Variants in CSMD2 observed in about 807,000 individuals in gnomAD.
The protein encoded by CSMD2 is CUB and sushi domain-containing protein 2.
Under a neutral mutation model 398.5 loss-of-function variants are expected in CSMD2, and 130 were observed. The ratio of observed to expected loss-of-function variants is 0.33; its 90% CI spans 0.28 to 0.38. The LOEUF is 0.38. CSMD2 is among the 10% of genes least tolerant of loss of function. The pLI, the probability that CSMD2 is intolerant of heterozygous loss-of-function variation, is 1.00. For missense variants in CSMD2, 3,829 were observed against 4,764.9 expected, an observed-to-expected ratio of 0.80 and a Z score of 5.78; for synonymous variants, 1,828 against 1,908.5, an observed-to-expected ratio of 0.96 and a Z score of 1.10.
intron 51 of CSMD2, among the ~76,000 whole-genome samples, chr1:33,570,866 G>A (rs1015875695): frequency 3.3e-5 from 5 of 152,132 alleles, no homozygotes; most frequent in Admixed American, 2.0e-4. Context: ...TGGGGGGTGA[G>A]CTAAGGCTTT....
chr1:33,880,090 G>A (rs1420676689), intron 5 of CSMD2, among the ~76,000 whole-genome samples: 1 of 152,144 alleles, frequency 6.6e-6, no homozygotes, highest in African/African-American at 2.4e-5. Context: ...CAGTGGATGA[G>A]CAAACACTGA....
intron 27 of CSMD2, among the ~76,000 whole-genome samples, chr1:33,655,732 G>A (rs1052300648): frequency 6.6e-6 from 1 of 152,228 alleles, no homozygotes; most frequent in Admixed American, 6.5e-5. Context: ...ATGGCAGAAC[G>A]CCCAGGGAGC....
chr1:33,675,594 C>T (rs562997773), intron 25 of CSMD2, among the ~76,000 whole-genome samples: 156 of 152,298 alleles, frequency 1.0e-3, no homozygotes, highest in Non-Finnish European at 1.7e-3. Context: ...GGGAATCCTC[C>T]CTAACTCATT....
At chr1:33,642,265 T>A (rs1643149405) in intron 29 of CSMD2, among the ~76,000 whole-genome samples, 1 of 151,194 alleles carries the variant, frequency 6.6e-6, no homozygotes. Context: ...GCGAATCACT[T>A]GAACCTGGGA....
intron 18 of CSMD2, 87 bp downstream of exon 18, chr1:33,724,429 G>A (rs1301520267): frequency 3.3e-6 from 5 of 1,536,010 alleles, no homozygotes; most frequent in African/African-American, 2.7e-5. Context: ...CTGATGGGGT[G>A]AGGGAGTCAG....
chr1:33,801,829 T>C (rs574267750), intron 10 of CSMD2, among the ~76,000 whole-genome samples: 1 of 152,228 alleles, frequency 6.6e-6, no homozygotes, highest in South Asian at 2.1e-4. Context: ...GGGCCAGGTG[T>C]GTCTGTGAAC....
intron 12 of CSMD2, among the ~76,000 whole-genome samples, chr1:33,776,309 G>A (rs1436728149): frequency 6.6e-6 from 1 of 152,214 alleles, no homozygotes; most frequent in Non-Finnish European, 1.5e-5. Context: ...TAGAGACCGT[G>A]AGGGATGTCC....
chr1:34,055,569 C>G (rs1361417973), intron 2 of CSMD2, among the ~76,000 whole-genome samples: 1 of 152,152 alleles, frequency 6.6e-6, no homozygotes, highest in Non-Finnish European at 1.5e-5. Context: ...GAAATACTTA[C>G]ATTTACTGGT....
intron 4 of CSMD2, among the ~76,000 whole-genome samples, chr1:33,919,213 T>C (rs980831515): frequency 6.6e-6 from 1 of 152,266 alleles, no homozygotes; most frequent in African/African-American, 2.4e-5. Flanking sequence ...CTAGGAGGTA[T>C]AAAATCCAGG....
At chr1:34,107,037 TTC>T (rs1369993071) in intron 1 of CSMD2, among the ~76,000 whole-genome samples, 1 of 152,134 alleles carries the variant, frequency 6.6e-6, no homozygotes, top group Admixed American at 6.5e-5. Context: ...GCTTTACTGA[TTC>T]TTATTATGCC....
intron 3 of CSMD2, among the ~76,000 whole-genome samples, chr1:33,970,339 CTCTT>C (rs1475653204): frequency 6.6e-6 from 1 of 152,138 alleles, no homozygotes; most frequent in Non-Finnish European, 1.5e-5. Context: ...AATCCCCTCC[CTCTT>C]TTTCTCCCTC....
At chr1:33,894,869 G>T (rs2125218841) in intron 5 of CSMD2, among the ~76,000 whole-genome samples, 1 of 152,246 alleles carries the variant, frequency 6.6e-6, no homozygotes, top group East Asian at 1.9e-4. Flanking sequence ...CCCATCTCCT[G>T]CAGGGCAAGT....
chr1:33,922,170 C>T (rs901037248), intron 4 of CSMD2, among the ~76,000 whole-genome samples: 1 of 152,098 alleles, frequency 6.6e-6, no homozygotes, highest in Non-Finnish European at 1.5e-5. Context: ...TACCTATGGG[C>T]CTGGGATCCC....
intron 51 of CSMD2, among the ~76,000 whole-genome samples, 191 bp from the exon 52 acceptor site, chr1:33,569,738 T>G (rs1271984749): frequency 6.6e-6 from 1 of 152,194 alleles, no homozygotes; most frequent in East Asian, 1.9e-4. Flanking sequence ...CAGAAGCCCC[T>G]GAAGGTTATT....
At chr1:33,904,620 A>G (rs987297240) in intron 5 of CSMD2, among the ~76,000 whole-genome samples, 1 of 151,974 alleles carries the variant, frequency 6.6e-6, no homozygotes, top group African/African-American at 2.4e-5. Context: ...TAATGCTACT[A>G]AGTTGTACAC....
At chr1:33,606,266 G>A (rs899751165) in intron 41 of CSMD2, among the ~76,000 whole-genome samples, 2 of 152,236 alleles carry the variant, frequency 1.3e-5, no homozygotes, top group Admixed American at 1.3e-4. Context: ...AATTGGCAGC[G>A]GGAGGAGACA....
At chr1:34,155,603 A>AG (rs1297268947) in intron 1 of CSMD2, among the ~76,000 whole-genome samples, 2 of 152,054 alleles carry the variant, frequency 1.3e-5, no homozygotes, top group Non-Finnish European at 2.9e-5. Flanking sequence ...AGGCCACTGG[A>AG]GGGTAAGAAT....
At chr1:33,987,402 T>C (rs958005199) in intron 3 of CSMD2, among the ~76,000 whole-genome samples, 4 of 152,162 alleles carry the variant, frequency 2.6e-5, no homozygotes, top group Non-Finnish European at 4.4e-5. Flanking sequence ...CAGAGGAATA[T>C]AGAGTTGAGT....
chr1:33,881,478 T>C (rs1641237447), intron 5 of CSMD2, among the ~76,000 whole-genome samples: 1 of 152,110 alleles, frequency 6.6e-6, no homozygotes, highest in Non-Finnish European at 1.5e-5. Context: ...CATGAAGGCA[T>C]GGCAGCATGG....
Sources: allele counts gnomAD v4.1 joint callset (sites outside exome capture counted in the v4.1 genomes callset), GRCh38; gene constraint gnomAD v4.1.1; transcripts MANE v1.5; gene names NCBI Gene and HGNC (gene_info 2026-07-23, HGNC 2026-07-21).